Variants in NBAS observed in about 807,000 individuals in gnomAD.
NBAS encodes NBAS subunit of NRZ tethering complex.
NBAS carries 219 observed loss-of-function variants against 302.5 expected under a neutral mutation model. The ratio of observed to expected loss-of-function variants is 0.72; its 90% CI spans 0.65 to 0.81. The LOEUF is 0.81. Among genes scored for constraint, NBAS ranks in the 30% least tolerant of loss-of-function variants. The pLI is 0.00. For synonymous variants in NBAS, 1,118 were observed against 1,021.6 expected, an observed-to-expected ratio of 1.09 and a Z score of -1.80; for missense variants, 2,932 against 2,841.6, an observed-to-expected ratio of 1.03 and a Z score of -0.72.
intron 44 of NBAS, among the ~76,000 whole-genome samples, chr2:15,265,375 G>A (rs1248796515): frequency 1.3e-5 from 2 of 152,120 alleles, no homozygotes; most frequent in Non-Finnish European, 2.9e-5. Context: ...GATAATACTT[G>A]CTTAATAATC....
intron 20 of NBAS, 87 bp downstream of exon 20, chr2:15,461,600 T>C (rs1679508359): frequency 2.4e-6 from 2 of 838,794 alleles, no homozygotes; most frequent in Non-Finnish European, 3.8e-6. Flanking sequence ...AAATGTAATA[T>C]ATGCACACAA....
At chr2:15,299,583 T>A (rs1019219257) in intron 40 of NBAS, among the ~76,000 whole-genome samples, 2 of 152,222 alleles carry the variant, frequency 1.3e-5, no homozygotes, top group Non-Finnish European at 2.9e-5. Context: ...TTAGAAATAG[T>A]CTACCATAAA....
chr2:14,935,641 A>C, the NBAS span, among the ~76,000 whole-genome samples: 1 of 152,128 alleles, frequency 6.6e-6, no homozygotes, highest in African/African-American at 2.4e-5. Context: ...CCCTTTAAAC[A>C]GTACCATGTT....
Position 15,430,757 on chromosome 2 carries a change from C to G in NBAS, c.2340-2963G>C, listed in dbSNP as rs190310571. Among the ~76,000 whole-genome samples, 385 of 152,218 alleles carry G rather than the reference C, an allele frequency of 2.5e-3. 2 individuals are homozygous for G. The highest frequency in any genetic ancestry group is 4.7e-3 in the Non-Finnish European group (323 of 68,006). ...CAACCATTTTTCCACCATTCCCCCT[C>G]CATGCATCAGGAGCCACCAGTCAGA... On this transcript the variant is annotated intron_variant, in intron 21 of 51. Transcript: ENST00000281513.
At chr2:14,905,132 T>C in the NBAS span, among the ~76,000 whole-genome samples, 1,514 of 152,322 alleles carry the variant, frequency 9.9e-3, 10 homozygotes, top group Middle Eastern at 0.017. Flanking sequence ...CCCACCCACA[T>C]TGAAGGTGGG....
chr2:15,284,041 G>C (rs1669936040), intron 42 of NBAS, among the ~76,000 whole-genome samples: 2 of 152,060 alleles, frequency 1.3e-5, no homozygotes, highest in African/African-American at 4.8e-5. Flanking sequence ...AAGAGGCTGA[G>C]AGAGCCAGTG....
At chr2:15,345,136 T>C (rs1239445679) in intron 35 of NBAS, among the ~76,000 whole-genome samples, 2 of 152,086 alleles carry the variant, frequency 1.3e-5, no homozygotes, top group African/African-American at 4.8e-5. Flanking sequence ...CTATTCAACA[T>C]AGTACTGGCA....
At chr2:15,242,525 A>G (rs1040788271) in intron 44 of NBAS, among the ~76,000 whole-genome samples, 2 of 152,144 alleles carry the variant, frequency 1.3e-5, no homozygotes, top group African/African-American at 2.4e-5. Flanking sequence ...GGGTATGGTT[A>G]AAAAATATAT....
chr2:14,783,484 C>A, the NBAS span, among the ~76,000 whole-genome samples: 1 of 125,366 alleles, frequency 8.0e-6, no homozygotes, highest in Non-Finnish European at 1.6e-5. Context: ...CCCCACCCCG[C>A]AACAGTCCCC....
At chr2:15,281,478 T>C (rs1450707611) in intron 42 of NBAS, among the ~76,000 whole-genome samples, 2 of 152,208 alleles carry the variant, frequency 1.3e-5, no homozygotes, top group Admixed American at 6.5e-5. Context: ...CAATGTTAGG[T>C]TGCCAGGGCC....
the NBAS span, among the ~76,000 whole-genome samples, chr2:15,130,950 T>C: frequency 1.4e-4 from 21 of 152,368 alleles, 1 homozygote; most frequent in African/African-American, 5.0e-4. Flanking sequence ...CTGTCTCATC[T>C]TTCTAAACTT....
At position 15,453,669 on chromosome 2, in the gene NBAS, G is replaced by C. The variant is rs569076125; in HGVS notation, c.2339+7532C>G. ...TTACTCAATTACAGTCCATCTGCAT[G>C]TTACAGCAAGCTTTTCACAGTCAAA... On this transcript the variant is annotated intron_variant, in intron 21 of 51. Coordinates refer to ENST00000281513, the MANE Select transcript of NBAS (RefSeq NM_015909.4). Among the ~76,000 whole-genome samples, 57 of 152,284 alleles carry C rather than the reference G, an allele frequency of 3.7e-4. No individual in the cohort carries two copies. In the South Asian group the frequency reaches 0.011, roughly 31 times the overall value.
chr2:14,966,782 A>G, the NBAS span, among the ~76,000 whole-genome samples: 2 of 152,194 alleles, frequency 1.3e-5, no homozygotes. Context: ...TCAGTATCAT[A>G]TCAGAAGTCC....
rs551842984 is a variant in NBAS, at chr2:15,527,850, G to A, written c.746+6693C>T. 9.9e-5 allele frequency among the ~76,000 whole-genome samples: 15 copies of A among 152,188 alleles called. 1 individual carries two copies. In the South Asian group the frequency reaches 1.2e-3, roughly 13 times the overall value. On this transcript the variant is annotated intron_variant, in intron 9 of 51. Transcript: ENST00000281513. ...AAGATAATGAGTAGGTGCTTGTTAC[G>A]TGTGGCGTGAACCAGTACCTGATCA...
chr2:15,523,591 T>C (rs1662780145), intron 9 of NBAS, among the ~76,000 whole-genome samples: 1 of 152,112 alleles, frequency 6.6e-6, no homozygotes. Flanking sequence ...CCTCCACAGA[T>C]ACCAAGGAAG....
chr2:14,789,387 C>A, the NBAS span, among the ~76,000 whole-genome samples: 14 of 152,144 alleles, frequency 9.2e-5, no homozygotes, highest in Non-Finnish European at 1.8e-4. Context: ...GAACCCGGTA[C>A]CTCAGATGGA....
At chr2:15,184,137 C>T (rs370774214) in intron 50 of NBAS, among the ~76,000 whole-genome samples, 4 of 152,202 alleles carry the variant, frequency 2.6e-5, no homozygotes, top group Non-Finnish European at 4.4e-5. Flanking sequence ...GGAATGCTGA[C>T]GAGAATATTA....
the NBAS span, among the ~76,000 whole-genome samples, chr2:15,004,651 C>A: frequency 6.6e-6 from 1 of 150,910 alleles, no homozygotes; most frequent in Admixed American, 6.6e-5. Context: ...CAGGCGCAGA[C>A]CACCACTCCC....
the NBAS span, among the ~76,000 whole-genome samples, chr2:14,959,354 C>T: frequency 6.6e-6 from 1 of 152,178 alleles, no homozygotes; most frequent in Non-Finnish European, 1.5e-5. Context: ...AACAATGTAC[C>T]ACCAGTCTCC....
Sources: gnomAD v4.1 joint callset for allele counts (sites outside exome capture counted in the v4.1 genomes callset) on GRCh38, gnomAD v4.1.1 for gene constraint, MANE v1.5 for transcripts, NCBI Gene and HGNC (gene_info 2026-07-23, HGNC 2026-07-21) for gene names.